Variants in OR51B5 observed in about 807,000 individuals in gnomAD.
The protein encoded by OR51B5 is olfactory receptor 51B5.
For synonymous variants in OR51B5, 186 were observed against 144.8 expected (o/e 1.28, Z -2.04); for missense variants, 456 against 374.6 (o/e 1.22, Z -1.79).
At chr11:5,409,992 A>G (rs7113766) in intron 1 of OR51B5, among the ~76,000 whole-genome samples, 123,593 of 152,058 alleles carry the variant, frequency 0.81, 51,288 homozygotes, top group Non-Finnish European at 0.89. Context: ...ATAGATTTAT[A>G]TATGTAAAAT....
At chr11:5,437,323 G>A (rs1241776408) in intron 1 of OR51B5, among the ~76,000 whole-genome samples, 2 of 152,116 alleles carry the variant, frequency 1.3e-5, no homozygotes, top group Non-Finnish European at 2.9e-5. Context: ...CTAAAGCTTA[G>A]ATTCCAACGG....
At position 5,361,358 on chromosome 11, in the gene OR51B5, G is replaced by A. The variant is rs115641900; in HGVS notation, n.85-14448C>T. Reference sequence around the variant, plus strand: ...AGGAGGGAGGAGAGAGGAGTGGGCCGTAGGGAGGAGTTTCTGAAACTAATT... The same window carrying A: ...AGGAGGGAGGAGAGAGGAGTGGGCCATAGGGAGGAGTTTCTGAAACTAATT... On this transcript the variant is annotated intron_variant and non_coding_transcript_variant, in intron 1 of 4. Coordinates refer to the OR51B5 transcript ENST00000415970. Among the ~76,000 whole-genome samples the A allele has an allele frequency of 4.1e-3, 627 of 152,256 alleles. 2 individuals carry two copies. The highest frequency in any genetic ancestry group is 0.01 in the African/African-American group (431 of 41,572).
chr11:5,484,782 G>A (rs1443874102), intron 1 of OR51B5, among the ~76,000 whole-genome samples: 2 of 152,160 alleles, frequency 1.3e-5, no homozygotes, highest in Non-Finnish European at 1.5e-5. Context: ...CAACAAACCC[G>A]ACGGTATTAC....
In OR51B5 at chr11:5,453,813, A is replaced by C. The variant is rs745884079; in HGVS notation, n.84+51756T>G. On this transcript the variant is annotated intron_variant and non_coding_transcript_variant, in intron 1 of 4. Transcript: ENST00000415970. ...GATGTTTCTTATTCACTTCTTCTCC[A>C]TGATGGAATCAGGTATTCTGCTGGC... 5 of 1,614,056 alleles carry C rather than the reference A, an allele frequency of 3.1e-6. No homozygotes were observed. In the East Asian group the frequency reaches 1.1e-4, roughly 36 times the overall value.
intron 1 of OR51B5, among the ~76,000 whole-genome samples, chr11:5,491,867 G>A (rs1176106790): frequency 6.6e-6 from 1 of 152,166 alleles, no homozygotes; most frequent in East Asian, 1.9e-4. Flanking sequence ...GATGTCACCA[G>A]CCCTAGAGCA....
At chr11:5,471,403 C>T (rs1347787142) in intron 1 of OR51B5, among the ~76,000 whole-genome samples, 9 of 151,850 alleles carry the variant, frequency 5.9e-5, no homozygotes, top group South Asian at 2.1e-4. Flanking sequence ...TTTGGGAGGC[C>T]GAGGCAGGTG....
At chr11:5,423,206 GGAATATATTCAGAA>G in intron 1 of OR51B5, 3 of 1,469,496 alleles carry the variant, frequency 2.0e-6, no homozygotes, top group Non-Finnish European at 2.7e-6. Context: ...GCTTAAGGGG[GGAATATATTCAGAA>G]TTAGGAAACT....
intron 1 of OR51B5, chr11:5,453,799 T>C: frequency 6.2e-7 from 1 of 1,614,236 alleles, no homozygotes; most frequent in Non-Finnish European, 8.5e-7. Flanking sequence ...ATGTTTCTTA[T>C]TCACTTCTTC....
chr11:5,342,652 A>G (rs570234857), exon 1 of OR51B5: 34 of 1,613,034 alleles, frequency 2.1e-5, no homozygotes, highest in Non-Finnish European at 2.6e-5. Flanking sequence ...TGGTCTTGAC[A>G]CTATATGTTA....
intron 1 of OR51B5, among the ~76,000 whole-genome samples, chr11:5,472,694 A>ATT (rs1334779893): frequency 6.6e-6 from 1 of 152,198 alleles, no homozygotes; most frequent in East Asian, 1.9e-4. Context: ...AGTGATCAAC[A>ATT]TTTTCAGCTC....
chr11:5,380,536 C>T (rs1849593635), intron 1 of OR51B5, among the ~76,000 whole-genome samples: 1 of 152,100 alleles, frequency 6.6e-6, no homozygotes. Flanking sequence ...AGTCTGGAGA[C>T]ATTGAGAACC....
upstream of OR51B5, among the ~76,000 whole-genome samples, chr11:5,344,741 C>T (rs1448905651): frequency 6.6e-6 from 1 of 152,112 alleles, no homozygotes; most frequent in East Asian, 1.9e-4. Flanking sequence ...TTAAAGCTCT[C>T]TGGAATTAAA....
chr11:5,430,826 C>A (rs1850523222), intron 1 of OR51B5: 1 of 457,290 alleles, frequency 2.2e-6, no homozygotes. Flanking sequence ...ATCACAGACA[C>A]CCCAATCATG....
chr11:5,423,807 G>T (rs1337909472), intron 1 of OR51B5, among the ~76,000 whole-genome samples: 1 of 152,178 alleles, frequency 6.6e-6, no homozygotes, highest in African/African-American at 2.4e-5. Context: ...TAAAATTAGT[G>T]TAAGGTTTTA....
chr11:5,452,560 T>G lies in OR51B5; in HGVS notation n.84+53009A>C, dbSNP rs1850872456. Among the ~76,000 whole-genome samples, 4 of 139,764 alleles carry G rather than the reference T, an allele frequency of 2.9e-5. No homozygotes were observed. The Admixed American group carries it at 3.0e-4, about 10-fold the overall frequency. The allele number at this position is 139,764 out of a possible 152,430, so 91.7% of individuals were successfully genotyped here. A position where few individuals can be genotyped will look rare whatever the true frequency, so the allele number is the denominator to read the frequency against. ...AAAAAAAAAATCAACAGGGACTGTT[T>G]GAATATATTTGCACAACAAGAGCGA... On this transcript the variant is annotated intron_variant and non_coding_transcript_variant, in intron 1 of 4. Transcript: ENST00000415970.
At chr11:5,426,639 C>CA (rs34057031) in intron 1 of OR51B5, among the ~76,000 whole-genome samples, 2 of 151,864 alleles carry the variant, frequency 1.3e-5, no homozygotes, top group African/African-American at 2.4e-5. Flanking sequence ...TGTTAGGGCA[C>CA]AAAAAAGCCC....
chr11:5,467,888 T>G (rs1851162181), intron 1 of OR51B5, among the ~76,000 whole-genome samples: 1 of 152,244 alleles, frequency 6.6e-6, no homozygotes, highest in Non-Finnish European at 1.5e-5. Context: ...TCTGTAGTCA[T>G]GCCCAATGAT....
intron 1 of OR51B5, among the ~76,000 whole-genome samples, chr11:5,464,229 G>A (rs934646129): frequency 5.3e-5 from 8 of 152,160 alleles, no homozygotes; most frequent in African/African-American, 1.9e-4. Context: ...AATATATTGT[G>A]AACACAAAAT....
At chr11:5,414,740 A>G (rs1158085871) in intron 1 of OR51B5, among the ~76,000 whole-genome samples, 3 of 152,250 alleles carry the variant, frequency 2.0e-5, no homozygotes, top group East Asian at 3.8e-4. Flanking sequence ...CTAAATATAT[A>G]TGCACCCAAT....
Sources: gnomAD v4.1 joint callset for allele counts (sites outside exome capture counted in the v4.1 genomes callset) on GRCh38, gnomAD v4.1.1 for gene constraint, MANE v1.5 for transcripts, NCBI Gene and HGNC (gene_info 2026-07-23, HGNC 2026-07-21) for gene names.